Variants in CREB5 observed in about 807,000 individuals in gnomAD.
CREB5 encodes cyclic AMP-responsive element-binding protein 5.
Under a neutral mutation model 57.1 loss-of-function variants are expected in CREB5, and 19 were observed. The observed-to-expected ratio is 0.33, with a 90% confidence interval of 0.23 to 0.49. The LOEUF (loss-of-function observed/expected upper bound fraction) is 0.49. Ranked by LOEUF, CREB5 falls within the 20% of genes least tolerant of loss-of-function variation. The pLI is 0.99. For missense variants in CREB5, 579 were observed against 671.6 expected (o/e 0.86, Z 1.52); for synonymous variants, 238 against 238.3 (o/e 1.00, Z 0.01).
At chr7:28,472,317 T>C (rs1458879834) in intron 1 of CREB5, among the ~76,000 whole-genome samples, 1 of 152,236 alleles carries the variant, frequency 6.6e-6, no homozygotes, top group Non-Finnish European at 1.5e-5. Context: ...TACTATATAC[T>C]AGAAATTATT....
chr7:28,393,240 T>C (rs1787259802), intron 1 of CREB5, among the ~76,000 whole-genome samples: 1 of 152,230 alleles, frequency 6.6e-6, no homozygotes, highest in Non-Finnish European at 1.5e-5. Context: ...AGCAATGTTT[T>C]TAAGTCAAGA....
chr7:28,479,388 C>T (rs1300494493), intron 1 of CREB5, among the ~76,000 whole-genome samples: 1 of 152,322 alleles, frequency 6.6e-6, no homozygotes, highest in African/African-American at 2.4e-5. Flanking sequence ...AATCCCCTTA[C>T]TGGGCCACCC....
At chr7:28,451,450 CTGTGTGTG>C (rs6150047) in intron 1 of CREB5, among the ~76,000 whole-genome samples, 15,874 of 146,898 alleles carry the variant, frequency 0.11, 950 homozygotes, top group East Asian at 0.26. Context: ...CTTTGCCAAA[CTGTGTGTG>C]TGTGTGTGTG....
chr7:28,622,976 G>A (rs991104387), intron 5 of CREB5, among the ~76,000 whole-genome samples: 8 of 152,070 alleles, frequency 5.3e-5, no homozygotes, highest in East Asian at 3.9e-4. Flanking sequence ...CCCGTCTCCC[G>A]GGTTCAAGGG....
chr7:28,650,980 T>G (rs939982777), intron 5 of CREB5, among the ~76,000 whole-genome samples: 1 of 152,216 alleles, frequency 6.6e-6, no homozygotes, highest in African/African-American at 2.4e-5. Flanking sequence ...GAACGCCTTT[T>G]ACAGGTTATT....
At chr7:28,425,521 T>C (rs1016771903) in intron 1 of CREB5, among the ~76,000 whole-genome samples, 1 of 152,202 alleles carries the variant, frequency 6.6e-6, no homozygotes, top group African/African-American at 2.4e-5. Flanking sequence ...ATTATAGTGA[T>C]GGTTGCACAA....
chr7:28,605,376 CCTT>C (rs1163596753), intron 5 of CREB5, among the ~76,000 whole-genome samples: 1 of 152,186 alleles, frequency 6.6e-6, no homozygotes, highest in African/African-American at 2.4e-5. Context: ...AGAAGACCCA[CCTT>C]CTCCTCTGAT....
At chr7:28,389,214 C>T (rs1056375131) in intron 1 of CREB5, among the ~76,000 whole-genome samples, 1 of 152,160 alleles carries the variant, frequency 6.6e-6, no homozygotes, top group South Asian at 2.1e-4. Context: ...ACAGTGAACA[C>T]TATTTGCATC....
At chr7:28,815,259 C>A (rs908065552) in intron 9 of CREB5, among the ~76,000 whole-genome samples, 21 of 152,130 alleles carry the variant, frequency 1.4e-4, no homozygotes, top group Admixed American at 1.2e-3. Flanking sequence ...GACGACATAG[C>A]AAGACCCTGT....
intron 1 of CREB5, among the ~76,000 whole-genome samples, chr7:28,460,171 T>C (rs1030190494): frequency 6.6e-6 from 1 of 152,116 alleles, no homozygotes; most frequent in Admixed American, 6.5e-5. Flanking sequence ...GATTACATAT[T>C]TTACAAGTGT....
At chr7:28,424,036 G>A (rs1788390418) in intron 1 of CREB5, among the ~76,000 whole-genome samples, 1 of 152,106 alleles carries the variant, frequency 6.6e-6, no homozygotes, top group Non-Finnish European at 1.5e-5. Context: ...TCCTTCCCAG[G>A]GCCTGTGAGG....
intron 2 of CREB5, among the ~76,000 whole-genome samples, chr7:28,492,772 AT>A (rs766282367): frequency 2.0e-5 from 3 of 149,110 alleles, no homozygotes; most frequent in East Asian, 1.9e-4. Flanking sequence ...AAAATATAAT[AT>A]TTTTATAGTA....
At chr7:28,648,543 C>T (rs1328929135) in intron 5 of CREB5, among the ~76,000 whole-genome samples, 1 of 151,934 alleles carries the variant, frequency 6.6e-6, no homozygotes, top group Non-Finnish European at 1.5e-5. Flanking sequence ...CAAGACCAGC[C>T]TGGGAAACAT....
intron 5 of CREB5, among the ~76,000 whole-genome samples, chr7:28,709,932 C>T (rs73075742): frequency 0.08 from 12,196 of 152,230 alleles, 634 homozygotes; most frequent in Admixed American, 0.14. Flanking sequence ...TGCCTCCTTG[C>T]GCACAGCTTT....
intron 4 of CREB5, among the ~76,000 whole-genome samples, chr7:28,566,350 T>G (rs1487967135): frequency 2.6e-5 from 4 of 152,232 alleles, no homozygotes; most frequent in Non-Finnish European, 5.9e-5. Flanking sequence ...TCATCCAAAC[T>G]GTTGATAAAA....
At chr7:28,464,710 TAAA>T (rs397743366) in intron 1 of CREB5, among the ~76,000 whole-genome samples, 6 of 146,320 alleles carry the variant, frequency 4.1e-5, no homozygotes, top group African/African-American at 1.5e-4. Flanking sequence ...AAGTTATTTT[TAAA>T]AAAAAAAAAA....
chr7:28,736,823 TC>T (rs1167195705), intron 7 of CREB5, among the ~76,000 whole-genome samples: 1,121 of 74,630 alleles, frequency 0.015, 9 homozygotes, highest in Middle Eastern at 0.037. Context: ...TCTCTCTCTC[TC>T]TTTTTTTTTT....
At chr7:28,453,895 C>A (rs1208341675) in intron 1 of CREB5, among the ~76,000 whole-genome samples, 1 of 151,414 alleles carries the variant, frequency 6.6e-6, no homozygotes, top group Non-Finnish European at 1.5e-5. Flanking sequence ...TTTTGTAAAC[C>A]TTTTTGCTGG....
chr7:28,484,895 G>A (rs931271641), intron 1 of CREB5, among the ~76,000 whole-genome samples: 5 of 152,186 alleles, frequency 3.3e-5, no homozygotes, highest in African/African-American at 4.8e-5. Context: ...AATTAAGACA[G>A]TAGAATCTAT....
Sources: allele counts gnomAD v4.1 joint callset (sites outside exome capture counted in the v4.1 genomes callset), GRCh38; gene constraint gnomAD v4.1.1; transcripts MANE v1.5; gene names NCBI Gene and HGNC (gene_info 2026-07-23, HGNC 2026-07-21).